The following ARF3 variants were observed in gnomAD, a reference collection of about 807,000 sequenced individuals.
The protein encoded by ARF3 is ADP-ribosylation factor 3.
Under a neutral mutation model 19.3 loss-of-function variants are expected in ARF3, and 5 were observed. The observed-to-expected ratio is 0.26, with a 90% CI of 0.14 to 0.54. The LOEUF (loss-of-function observed/expected upper bound fraction) is 0.54, where lower values mean the gene tolerates loss of function less well. ARF3 is among the 20% of genes least tolerant of loss of function. The pLI, the probability that ARF3 is intolerant of heterozygous loss-of-function variation, is 0.95. For missense variants in ARF3, 77 were observed against 234.2 expected, an observed-to-expected ratio of 0.33 and a Z score of 4.38; for synonymous variants, 71 against 89.2, an observed-to-expected ratio of 0.80 and a Z score of 1.15.
At chr12:48,957,267 C>G (rs1179977113) in intron 1 of ARF3, 43 bp downstream of exon 1, 1 of 153,130 alleles carries the variant, frequency 6.5e-6, no homozygotes, top group East Asian at 1.9e-4. Context: ...CCTGACCGAG[C>G]CTCTTCTCTA....
rs762627553 is a variant in ARF3, at chr12:48,939,697, G to A, written c.342C>T (p.Asp114=). Residue 114 remains aspartate, a synonymous_variant, in exon 4 of 5, where the codon GAC becomes GAT. Coordinates refer to ENST00000256682, the MANE Select transcript of ARF3 (RefSeq NM_001659.3). The surrounding 1 kb of genome is among the most constrained non-coding windows in gnomAD (Gnocchi z 4.8). ...REELMRMLAE[D]ELRDAVLLVF... ...CAAGGAGTACAGCATCCCGGAGCTC[G>A]TCCTCCGCCAGCATTCTCATCAGCT... 77 of 1,613,980 alleles carry A rather than the reference G, an allele frequency of 4.8e-5. 2 individuals are homozygous for A. The South Asian group carries it at 6.3e-4, about 13-fold the overall frequency.
At position 48,941,135 on chromosome 12, in the gene ARF3, T is replaced by A; in HGVS notation, c.-40A>T. On this transcript the variant is annotated 5_prime_UTR_variant, in exon 2 of 5. Transcript: ENST00000256682. ...CTTTCTGGGGACAGTGGGGCCCAAG[T>A]AGGGGCAGTGGCAGTCTGGTTTTGG... 1 of 1,589,256 alleles carries A rather than the reference T, an allele frequency of 6.3e-7. No homozygotes were observed. Among genetic ancestry groups the A allele is most frequent in the Non-Finnish European group, 8.6e-7 (1 of 1,165,894 alleles).
intron 1 of ARF3, among the ~76,000 whole-genome samples, chr12:48,950,948 C>T (rs184040060): frequency 6.6e-6 from 1 of 151,938 alleles, no homozygotes; most frequent in South Asian, 2.1e-4. Flanking sequence ...CCACCACGCC[C>T]GGCTAATTTT....
intron 1 of ARF3, among the ~76,000 whole-genome samples, chr12:48,949,979 G>A (rs968480220): frequency 6.6e-6 from 1 of 152,186 alleles, no homozygotes; most frequent in Non-Finnish European, 1.5e-5. Flanking sequence ...ACTCCAGGAT[G>A]TCAGAGCAGA....
Position 48,937,599 on chromosome 12 carries a change from G to C in ARF3, c.*1348C>G, listed in dbSNP as rs1940169534. The C allele has an allele frequency of 6.6e-6, 1 of 152,418 alleles. No individual in the cohort carries two copies. The highest frequency in any genetic ancestry group is 2.4e-5 in the African/African-American group (1 of 41,440). 9.4% of individuals were successfully genotyped at this position (152,418 alleles called of 1,614,324 possible). A position where few individuals can be genotyped will look rare whatever the true frequency, so the allele number is the denominator to read the frequency against. On this transcript the variant is annotated 3_prime_UTR_variant, in exon 5 of 5. Coordinates refer to ENST00000256682, the MANE Select transcript of ARF3 (RefSeq NM_001659.3). ...AGATCCATTTATGAGAAGTGAGTGA[G>C]GATGGCAGGGGCATGGAGGGTGAAG... is the stretch of plus-strand genomic sequence containing the variant.
rs974492382 is a variant in ARF3 at position 48,938,155 on chromosome 12, C to G, written c.*792G>C. The G allele has an allele frequency of 3.0e-6, 1 of 336,092 alleles. No homozygotes were observed. The highest frequency in any genetic ancestry group is 3.8e-5 in the Admixed American group (1 of 26,022). 20.8% of individuals were successfully genotyped at this position (336,092 alleles called of 1,614,324 possible). A position where few individuals can be genotyped will look rare whatever the true frequency, so the allele number is the denominator to read the frequency against. On this transcript the variant is annotated 3_prime_UTR_variant, in exon 5 of 5. Coordinates refer to ENST00000256682, the MANE Select transcript of ARF3 (RefSeq NM_001659.3). Reference sequence around the variant, plus strand: ...GAGCAGAGTGGCATCTCCTTGGGAACAGTCATCTAGAGATAAATGCCATCC... The same window carrying G: ...GAGCAGAGTGGCATCTCCTTGGGAAGAGTCATCTAGAGATAAATGCCATCC...
At chr12:48,940,474 A>G (rs1940233388) in intron 2 of ARF3, among the ~76,000 whole-genome samples, 2 of 152,172 alleles carry the variant, frequency 1.3e-5, no homozygotes, top group South Asian at 4.1e-4. Flanking sequence ...CCTGAGAGGC[A>G]GAGTGAAGAA....
chr12:48,947,338 G>A (rs1174078419), intron 1 of ARF3, among the ~76,000 whole-genome samples: 4 of 136,474 alleles, frequency 2.9e-5, no homozygotes, highest in South Asian at 4.4e-4. Context: ...AGACAATCTC[G>A]CTCTCTCGCC....
chr12:48,951,538 C>T (rs1940471277), intron 1 of ARF3, among the ~76,000 whole-genome samples: 2 of 149,840 alleles, frequency 1.3e-5, no homozygotes, highest in African/African-American at 4.9e-5. Context: ...ACTCCAGCCT[C>T]GGTGACAAGA....
chr12:48,956,288 A>C (rs1379877930), intron 1 of ARF3: 4 of 152,066 alleles, frequency 2.6e-5, no homozygotes, highest in African/African-American at 4.8e-5. Context: ...CGGCCTTACT[A>C]TTTCTTCTCA....
chr12:48,939,518 A>C lies in ARF3; in HGVS notation c.384+137T>G. The C allele has an allele frequency of 1.7e-6, 2 of 1,204,112 alleles. No homozygotes were observed. The highest frequency in any genetic ancestry group is 1.5e-5 in the South Asian group (1 of 67,514). The allele number at this position is 1,204,112 out of a possible 1,614,324, so 74.6% of individuals were successfully genotyped here. A position where few individuals can be genotyped will look rare whatever the true frequency, so the allele number is the denominator to read the frequency against. The stretch of plus-strand genomic sequence containing the variant: ...GGGGCACAAGAAGAGGGGCATAAAG[A>C]AGCCAAGTGCTCAGTTTCCCACGCT... On this transcript the variant is annotated intron_variant, in intron 4 of 4. Transcript: ENST00000256682. The surrounding 1 kb of genome is among the most constrained non-coding windows in gnomAD (Gnocchi z 4.8).
chr12:48,947,337 C>T (rs1376255985), intron 1 of ARF3, among the ~76,000 whole-genome samples: 1 of 148,114 alleles, frequency 6.8e-6, no homozygotes, highest in Non-Finnish European at 1.5e-5. Flanking sequence ...GAGACAATCT[C>T]GCTCTCTCGC....
chr12:48,956,156 C>G (rs1348158721), intron 1 of ARF3: 1 of 152,168 alleles, frequency 6.6e-6, no homozygotes. Context: ...TTGCACTGAC[C>G]CAAGCAATCA....
intron 2 of ARF3, 63 bp downstream of exon 2, chr12:48,940,885 G>C: frequency 1.3e-6 from 2 of 1,486,142 alleles, no homozygotes; most frequent in South Asian, 2.8e-5. Flanking sequence ...GGGGAACCAG[G>C]AATAGGTCCC....
intron 1 of ARF3, among the ~76,000 whole-genome samples, chr12:48,942,867 G>C (rs959352233): frequency 6.6e-6 from 1 of 152,216 alleles, no homozygotes; most frequent in African/African-American, 2.4e-5. Flanking sequence ...AGCACTTTGG[G>C]AGGCCCAGGC....
Position 48,939,997 on chromosome 12 carries a change from C to T in ARF3, c.259G>A (p.Gly87Arg). The T allele has an allele frequency of 6.2e-7, 1 of 1,613,978 alleles. No homozygotes were observed. Among genetic ancestry groups the T allele is most frequent in the Non-Finnish European group, 8.5e-7 (1 of 1,179,822 alleles). Residue 87 changes from glycine to arginine, a missense_variant and splice_region_variant, in exon 3 of 5, where the codon GGG becomes AGG. Gly to Arg is a moderately radical substitution (Grantham distance 125, BLOSUM62 -2). Around this residue, in one of 3 missense-constraint regions of ARF3, gnomAD observed 15 missense variants for 96.6 expected, o/e 0.16. Transcript: ENST00000256682. This position sits in a 1 kb window ranked among gnomAD's most constrained non-coding sequence, Gnocchi z 4.8. ...CAACCCACGCTAGGCCTGAGCATAC[C>T]TTGGGTGTTCTGGAAGTAGTGTCTC... is the stretch of plus-strand genomic sequence containing the variant. ...LWRHYFQNTQGLIFVVDSNDR... is the reference protein window; with the variant it reads ...LWRHYFQNTQRLIFVVDSNDR...
chr12:48,953,503 C>T (rs1010362697), intron 1 of ARF3, among the ~76,000 whole-genome samples: 59 of 152,224 alleles, frequency 3.9e-4, no homozygotes, highest in Non-Finnish European at 1.5e-4. Context: ...TAAGCATTCA[C>T]GCTTGACACT....
chr12:48,939,273 A>C lies in ARF3; in HGVS notation c.385-165T>G, dbSNP rs750734769. ...GCTACTTTGGATTTAGTCACCTAGA[A>C]CTCAAGATCCAAAGCACTAGAGGTC... On this transcript the variant is annotated intron_variant, in intron 4 of 4. Coordinates refer to ENST00000256682, the MANE Select transcript of ARF3 (RefSeq NM_001659.3). The surrounding 1 kb of genome is among the most constrained non-coding windows in gnomAD (Gnocchi z 4.8). Among the ~76,000 whole-genome samples, 15 of 152,094 alleles carry C rather than the reference A, an allele frequency of 9.9e-5. No individual in the cohort carries two copies. Among genetic ancestry groups the C allele is most frequent in the Non-Finnish European group, 2.2e-4 (15 of 68,016 alleles).
intron 1 of ARF3, among the ~76,000 whole-genome samples, chr12:48,954,556 T>C (rs1440028734): frequency 6.6e-6 from 1 of 152,206 alleles, no homozygotes; most frequent in Non-Finnish European, 1.5e-5. Context: ...GAAAACCATA[T>C]GTCATTACCT....
Sources: allele counts gnomAD v4.1 joint callset (sites outside exome capture counted in the v4.1 genomes callset), GRCh38; gene constraint gnomAD v4.1.1; regional missense constraint gnomAD v4.1.1; non-coding constraint Gnocchi (gnomAD v3.1); transcripts MANE v1.5; gene names NCBI Gene and HGNC (gene_info 2026-07-23, HGNC 2026-07-21).